Variants in CC2D1A observed in about 807,000 individuals in gnomAD.
CC2D1A encodes coiled-coil and C2 domain containing 1A.
CC2D1A carries 68 observed loss-of-function variants against 123.8 expected under a neutral mutation model. The ratio of observed to expected loss-of-function variants is 0.55; its 90% CI spans 0.45 to 0.67. The LOEUF (loss-of-function observed/expected upper bound fraction) is 0.67. CC2D1A is among the 30% of genes least tolerant of loss of function. CC2D1A has a pLI of 0.00. For synonymous variants in CC2D1A, 477 were observed against 528.0 expected, an observed-to-expected ratio of 0.90 and a Z score of 1.32; for missense variants, 1,185 against 1,290.3, an observed-to-expected ratio of 0.92 and a Z score of 1.25.
At chr19:13,910,549 TA>T (rs1970966505) in intron 2 of CC2D1A, among the ~76,000 whole-genome samples, 1 of 151,824 alleles carries the variant, frequency 6.6e-6, no homozygotes, top group Non-Finnish European at 1.5e-5. Context: ...AAAACTGGAA[TA>T]ATAACCATGT....
Position 13,912,577 on chromosome 19 carries a change from C to T in CC2D1A, c.362C>T (p.Pro121Leu), listed in dbSNP as rs1188270446. Residue 121 changes from proline (P) to leucine (L), a missense_variant, in exon 4 of 29, where the codon CCA (proline) becomes CTA (leucine). Transcript: ENST00000318003. ...GAGGAGCAGAAGGCTTCAGAGACCC[C>T]ACCTCCTGTGGCCCAGGTACAGTTT... ...LGEEQKASET[P>L]PPVAQPKPEA... 3 of 1,614,064 alleles carry T rather than the reference C, an allele frequency of 1.9e-6. No individual in the cohort carries two copies. Among genetic ancestry groups the T allele is most frequent in the African/African-American group, 1.3e-5 (1 of 75,038 alleles).
chr19:13,919,181 G>A lies in CC2D1A; in HGVS notation c.1201G>A (p.Ala401Thr). ...CAAGGCTGGCCGAGCCGTGGATGTC[G>A]CTGAATTGCCCGTGCCCCCAGGTAG... is the stretch of plus-strand genomic sequence containing the variant. ...AHKAGRAVDV[A>T]ELPVPPGFPP... The change falls in exon 11 of 29, where the codon GCT becomes ACT. Residue 401 changes from alanine (A) to threonine (T), a missense_variant. Transcript: ENST00000318003. 2 of 1,612,752 alleles carry A rather than the reference G, an allele frequency of 1.2e-6. No homozygotes were observed. The highest frequency in any genetic ancestry group is 1.1e-5 in the South Asian group (1 of 91,062).
chr19:13,908,666 A>G (rs1026672760), intron 1 of CC2D1A, among the ~76,000 whole-genome samples: 3 of 151,516 alleles, frequency 2.0e-5, no homozygotes, highest in African/African-American at 4.9e-5. Context: ...GGGTTTCACC[A>G]TGTTGGCTAG....
chr19:13,925,421 A>T (rs1469393479), intron 17 of CC2D1A, among the ~76,000 whole-genome samples: 1 of 152,148 alleles, frequency 6.6e-6, no homozygotes, highest in Non-Finnish European at 1.5e-5. Context: ...TCTACTAAAA[A>T]TACACAAAAT....
intron 7 of CC2D1A, 130 bp from the exon 8 acceptor site, chr19:13,918,374 T>A: frequency 1.8e-6 from 2 of 1,136,866 alleles, no homozygotes; most frequent in Non-Finnish European, 2.5e-6. Flanking sequence ...GGAAGAGGAT[T>A]AAGCAAGATG....
intron 6 of CC2D1A, among the ~76,000 whole-genome samples, chr19:13,917,148 C>G (rs1371301561): frequency 6.6e-6 from 1 of 152,098 alleles, no homozygotes; most frequent in Middle Eastern, 3.2e-3. Flanking sequence ...TCAAAATTCC[C>G]AACTGCTTAA....
At position 13,929,663 on chromosome 19, in the gene CC2D1A, A is replaced by G. The variant is rs1568423282; in HGVS notation, c.2710+3A>G. 8.0e-7 allele frequency: 1 copy of G among 1,242,922 alleles called. No homozygotes were observed. The highest frequency in any genetic ancestry group is 1.1e-6 in the Non-Finnish European group (1 of 952,376). 77.0% of individuals were successfully genotyped at this position (1,242,922 alleles called of 1,614,324 possible). A position where few individuals can be genotyped will look rare whatever the true frequency, so the allele number is the denominator to read the frequency against. Reference sequence around the variant, plus strand: ...GGGGGGTGTGGGCATCCGACGGGGTAGGGGTTTGGAGATGGGCATCTGGTG... The same window carrying G: ...GGGGGGTGTGGGCATCCGACGGGGTGGGGGTTTGGAGATGGGCATCTGGTG... On this transcript the variant is annotated splice_donor_region_variant and intron_variant, in intron 26 of 28. Coordinates refer to ENST00000318003, the MANE Select transcript of CC2D1A (RefSeq NM_017721.5).
In CC2D1A at chr19:13,923,665, G is replaced by C; in HGVS notation, c.1824-30G>C. 6.2e-7 allele frequency: 1 copy of C among 1,613,020 alleles called. No individual in the cohort carries two copies. Among genetic ancestry groups the C allele is most frequent in the East Asian group, 2.2e-5 (1 of 44,878 alleles). On this transcript the variant is annotated intron_variant, in intron 16 of 28. Coordinates refer to ENST00000318003, the MANE Select transcript of CC2D1A (RefSeq NM_017721.5). The surrounding 1 kb of genome is among the most constrained non-coding windows in gnomAD (Gnocchi z 5.3). ...CCCCAGCCACCCATCCCCAGGGCCA[G>C]GGACATGAGCAGGGCCCTCCCACCG...
chr19:13,911,499 G>C (rs1471939648), intron 2 of CC2D1A, among the ~76,000 whole-genome samples: 3 of 151,524 alleles, frequency 2.0e-5, no homozygotes, highest in Admixed American at 1.3e-4. Context: ...CTCACAGAGA[G>C]AAAGTTGCAG....
intron 17 of CC2D1A, among the ~76,000 whole-genome samples, chr19:13,926,024 A>ATGTATATATATATACACATATATG (rs1971612815): frequency 4.7e-5 from 5 of 105,998 alleles, no homozygotes; most frequent in African/African-American, 2.6e-4. Context: ...ACGTATATAT[A>ATGTATATATATATACACATATATG]TGTGTATATA....
Position 13,917,443 on chromosome 19 carries a change from T to TA in CC2D1A, c.749-618dup, listed in dbSNP as rs141683169. On this transcript the variant is annotated intron_variant, in intron 6 of 28. Transcript: ENST00000318003. ...GCAGCAGAGCAAGACTCTATCTCTT[T>TA]AAAAAAAAATACATTAAATATGGCC... 4.6e-5 allele frequency among the ~76,000 whole-genome samples: 7 copies of TA among 151,464 alleles called. No homozygotes were observed. The South Asian group carries it at 6.3e-4, about 14-fold the overall frequency.
intron 17 of CC2D1A, among the ~76,000 whole-genome samples, chr19:13,924,274 C>G (rs1971515723): frequency 6.6e-6 from 1 of 151,980 alleles, no homozygotes; most frequent in Admixed American, 6.6e-5. Flanking sequence ...GGATTCATGC[C>G]ATTCTCCTGC....
chr19:13,917,648 A>G (rs1014978775), intron 6 of CC2D1A, among the ~76,000 whole-genome samples: 2 of 152,066 alleles, frequency 1.3e-5, no homozygotes, highest in Non-Finnish European at 2.9e-5. Context: ...GTGCCACTGC[A>G]CTCCAGTCTG....
rs781070707 is a variant in CC2D1A, at chr19:13,919,813, C to T, written c.1223-5C>T. 21 of 1,593,754 alleles carry T rather than the reference C, an allele frequency of 1.3e-5. No individual in the cohort carries two copies. In the South Asian group the frequency reaches 1.8e-4, roughly 13 times the overall value. On this transcript the variant is annotated splice_region_variant and splice_polypyrimidine_tract_variant and intron_variant, in intron 11 of 28. Transcript: ENST00000318003. ...ACAATAACCAGGCCTCGACTGGCCA[C>T]CCAGGCTTCCCCCCAATCCAGGGCC...
In CC2D1A at chr19:13,923,392, T is replaced by C; in HGVS notation, c.1701T>C (p.Gly567=). 10 of 1,612,980 alleles carry C rather than the reference T, an allele frequency of 6.2e-6. No individual in the cohort carries two copies. The highest frequency in any genetic ancestry group is 8.5e-6 in the Non-Finnish European group (10 of 1,179,994). ...DFALVQRPGP[G]LSQEAARRYG... ...CCCTGGTCCAGCGGCCTGGCCCGGGTCTGTCTCAGGAGGCCGCCCGGCGCT... is the reference window on the plus strand; with the variant it reads ...CCCTGGTCCAGCGGCCTGGCCCGGGCCTGTCTCAGGAGGCCGCCCGGCGCT... Residue 567 remains glycine, a synonymous_variant, in exon 15 of 29, where the codon GGT becomes GGC. Coordinates refer to ENST00000318003, the MANE Select transcript of CC2D1A (RefSeq NM_017721.5). The surrounding 1 kb of genome is among the most constrained non-coding windows in gnomAD (Gnocchi z 5.3).
chr19:13,925,468 T>C (rs1023757701), intron 17 of CC2D1A, among the ~76,000 whole-genome samples: 7 of 152,008 alleles, frequency 4.6e-5, no homozygotes, highest in African/African-American at 1.5e-4. Context: ...TAGTCCCACC[T>C]TCTTAGGAGG....
intron 24 of CC2D1A, among the ~76,000 whole-genome samples, chr19:13,928,936 C>G (rs1310196833): frequency 7.0e-6 from 1 of 142,862 alleles, no homozygotes; most frequent in East Asian, 2.1e-4. Context: ...CTCGAACTCC[C>G]GACCTCAGGT....
rs1315521885 is a variant in CC2D1A, at chr19:13,927,193, C to G, written c.2244C>G (p.Asp748Glu). 4 of 1,613,980 alleles carry G rather than the reference C, an allele frequency of 2.5e-6. No homozygotes were observed. The highest frequency in any genetic ancestry group is 3.4e-6 in the Non-Finnish European group (4 of 1,180,012). The stretch of plus-strand genomic sequence containing the variant: ...CACACAGGGGGCTGTTCAAGACTGA[C>G]CGGGTGCTGGGGACAGCCCAGCTGA... ...VVHKGGLFKT[D>E]RVLGTAQLKL... The change falls in exon 22 of 29, where the codon GAC (aspartate) becomes GAG (glutamate). Residue 748 changes from aspartate (D) to glutamate (E), a missense_variant. Asp to Glu is a conservative substitution (Grantham distance 45). Transcript: ENST00000318003.
In CC2D1A at chr19:13,923,950, C is replaced by T; in HGVS notation, c.1940+139C>T. The T allele has an allele frequency of 1.5e-6, 1 of 651,262 alleles. No individual in the cohort carries two copies. Among genetic ancestry groups the T allele is most frequent in the Non-Finnish European group, 2.7e-6 (1 of 371,028 alleles). The allele number at this position is 651,262 out of a possible 1,614,324, so 40.3% of individuals were successfully genotyped here. On this transcript the variant is annotated intron_variant, in intron 17 of 28. Transcript: ENST00000318003. This position sits in a 1 kb window ranked among gnomAD's most constrained non-coding sequence, Gnocchi z 5.3. Reference sequence around the variant, plus strand: ...GATAGGTGGAAGAGCACAGAGCATGCAAAGGCTCTGGGGCAGGCATGAGAT... The same window carrying T: ...GATAGGTGGAAGAGCACAGAGCATGTAAAGGCTCTGGGGCAGGCATGAGAT...
Sources: allele counts gnomAD v4.1 joint callset (sites outside exome capture counted in the v4.1 genomes callset), GRCh38; gene constraint gnomAD v4.1.1; non-coding constraint Gnocchi (gnomAD v3.1); transcripts MANE v1.5; gene names NCBI Gene and HGNC (gene_info 2026-07-23, HGNC 2026-07-21).